Variants in CACNA2D3 observed in about 807,000 individuals in gnomAD.
CACNA2D3 encodes calcium voltage-gated channel auxiliary subunit alpha2delta 3.
CACNA2D3 carries 60 observed loss-of-function variants against 160.6 expected under a neutral mutation model. The ratio of observed to expected loss-of-function variants is 0.37; its 90% CI spans 0.30 to 0.46. The LOEUF (loss-of-function observed/expected upper bound fraction) is 0.46. Among genes scored for constraint, CACNA2D3 ranks in the 20% least tolerant of loss-of-function variants. The pLI is 1.00. For synonymous variants in CACNA2D3, 558 were observed against 492.9 expected, an observed-to-expected ratio of 1.13 and a Z score of -1.75; for missense variants, 1,205 against 1,365.0, an observed-to-expected ratio of 0.88 and a Z score of 1.85.
intron 5 of CACNA2D3, among the ~76,000 whole-genome samples, chr3:54,505,602 T>C (rs1701356503): frequency 1.3e-5 from 2 of 152,198 alleles, no homozygotes; most frequent in Non-Finnish European, 2.9e-5. Flanking sequence ...ACTGCCCCTT[T>C]TTGTGCGATG....
intron 4 of CACNA2D3, among the ~76,000 whole-genome samples, chr3:54,456,182 A>C (rs746447267): frequency 2.6e-5 from 4 of 152,020 alleles, no homozygotes; most frequent in Non-Finnish European, 5.9e-5. Flanking sequence ...TATATTCATG[A>C]GGCTGGGATG....
At chr3:54,251,911 G>A (rs1337528544) in intron 2 of CACNA2D3, among the ~76,000 whole-genome samples, 1 of 152,164 alleles carries the variant, frequency 6.6e-6, no homozygotes, top group Non-Finnish European at 1.5e-5. Context: ...GGGTTATAGC[G>A]AGGCCCTGGT....
chr3:54,177,880 G>C (rs1419619889), intron 2 of CACNA2D3: 1 of 152,136 alleles, frequency 6.6e-6, no homozygotes, highest in African/African-American at 2.4e-5. Flanking sequence ...CCAGCTCTGT[G>C]AAATCGGTAG....
intron 4 of CACNA2D3, among the ~76,000 whole-genome samples, chr3:54,473,978 AAGAC>A (rs1260428810): frequency 1.3e-5 from 2 of 152,232 alleles, no homozygotes; most frequent in African/African-American, 4.8e-5. Context: ...ACCATTGTGG[AAGAC>A]AGTGTGGTTA....
At chr3:54,899,982 A>T (rs769269450) in intron 27 of CACNA2D3, 114 bp downstream of exon 27, 4 of 714,908 alleles carry the variant, frequency 5.6e-6, no homozygotes, top group Non-Finnish European at 9.5e-6. Flanking sequence ...CAAAGGAGAA[A>T]ACAATTTTAA....
At chr3:54,944,812 GGGGT>G (rs1156694059) in intron 27 of CACNA2D3, among the ~76,000 whole-genome samples, 1 of 146,164 alleles carries the variant, frequency 6.8e-6, no homozygotes, top group South Asian at 2.1e-4. Flanking sequence ...GTTAGAGCTG[GGGGT>G]GTGTGTGTGT....
chr3:54,716,666 T>C (rs1428356853), intron 11 of CACNA2D3, among the ~76,000 whole-genome samples: 2 of 152,186 alleles, frequency 1.3e-5, no homozygotes, highest in Non-Finnish European at 2.9e-5. Context: ...TGTCGAGACA[T>C]GAGAAGTTCT....
chr3:54,442,797 A>G (rs376111552), intron 4 of CACNA2D3, among the ~76,000 whole-genome samples: 29 of 152,268 alleles, frequency 1.9e-4, no homozygotes, highest in African/African-American at 6.0e-4. Context: ...GGCCCTGCCT[A>G]TGTACAGCAC....
intron 35 of CACNA2D3, among the ~76,000 whole-genome samples, chr3:55,056,917 T>G (rs1224794467): frequency 6.6e-6 from 1 of 152,184 alleles, no homozygotes; most frequent in East Asian, 1.9e-4. Flanking sequence ...AATAGTGTAT[T>G]GTACATTTCA....
At position 54,774,588 on chromosome 3, in the gene CACNA2D3, C is replaced by T. The variant is rs572456618; in HGVS notation, c.1380+10237C>T. The stretch of plus-strand genomic sequence containing the variant: ...GTGGGGACATAGACCCAAACCATAT[C>T]AGGGGTTAATCCCAATATTATTTTG... On this transcript the variant is annotated intron_variant, in intron 13 of 37. Transcript: ENST00000474759. 2.0e-5 allele frequency among the ~76,000 whole-genome samples: 3 copies of T among 149,054 alleles called. No individual in the cohort carries two copies. The East Asian group carries it at 5.9e-4, about 29-fold the overall frequency.
intron 35 of CACNA2D3, among the ~76,000 whole-genome samples, chr3:55,066,783 T>G (rs2107227938): frequency 6.6e-6 from 1 of 152,282 alleles, no homozygotes; most frequent in Non-Finnish European, 1.5e-5. Flanking sequence ...TTTCACGCAT[T>G]TTGACCTATC....
intron 2 of CACNA2D3, among the ~76,000 whole-genome samples, chr3:54,189,365 G>A (rs766691974): frequency 3.2e-4 from 49 of 152,248 alleles, no homozygotes; most frequent in Non-Finnish European, 5.7e-4. Flanking sequence ...TAATTAAGGT[G>A]CATAACTCTC....
At chr3:54,896,019 G>T (rs534100361) in intron 25 of CACNA2D3, among the ~76,000 whole-genome samples, 3 of 152,352 alleles carry the variant, frequency 2.0e-5, no homozygotes, top group African/African-American at 4.8e-5. Flanking sequence ...TGGGGGCCCA[G>T]GGTGTGGCAA....
chr3:54,124,492 C>T (rs1253262323), intron 2 of CACNA2D3, among the ~76,000 whole-genome samples: 1 of 152,176 alleles, frequency 6.6e-6, no homozygotes, highest in African/African-American at 2.4e-5. Context: ...GAATAATTCT[C>T]TGAAAATGGG....
At position 54,348,551 on chromosome 3, in the gene CACNA2D3, C is replaced by T. The variant is rs143967065; in HGVS notation, c.321+27993C>T. 2.3e-3 allele frequency among the ~76,000 whole-genome samples: 346 copies of T among 152,308 alleles called. 1 individual carries two copies. The highest frequency in any genetic ancestry group is 7.9e-3 in the African/African-American group (330 of 41,568). ...TTTCTTTTTAAATGGAAATTCGAAG[C>T]ACACTATCAGGACTCTCTTGTTCGC... On this transcript the variant is annotated intron_variant, in intron 3 of 37. Coordinates refer to ENST00000474759, the MANE Select transcript of CACNA2D3 (RefSeq NM_018398.3).
At chr3:54,913,573 C>T (rs1354879364) in intron 27 of CACNA2D3, among the ~76,000 whole-genome samples, 1 of 152,180 alleles carries the variant, frequency 6.6e-6, no homozygotes, top group East Asian at 1.9e-4. Context: ...GTTCTTATTT[C>T]CCCATTTTGC....
intron 3 of CACNA2D3, among the ~76,000 whole-genome samples, chr3:54,331,986 A>G (rs969968134): frequency 1.3e-5 from 2 of 152,240 alleles, no homozygotes; most frequent in African/African-American, 4.8e-5. Context: ...GGACTGAGAC[A>G]GTATTGGTCA....
At chr3:54,648,669 A>G (rs1001030951) in intron 11 of CACNA2D3, among the ~76,000 whole-genome samples, 1 of 152,224 alleles carries the variant, frequency 6.6e-6, no homozygotes, top group Non-Finnish European at 1.5e-5. Flanking sequence ...TGGGTAATTT[A>G]TAAAGAAAAG....
intron 2 of CACNA2D3, among the ~76,000 whole-genome samples, chr3:54,213,031 G>C (rs1300898493): frequency 6.6e-6 from 1 of 152,050 alleles, no homozygotes; most frequent in African/African-American, 2.4e-5. Flanking sequence ...CATCAGGTGG[G>C]CTTCTGAGCT....
Sources: allele counts gnomAD v4.1 joint callset (sites outside exome capture counted in the v4.1 genomes callset), GRCh38; gene constraint gnomAD v4.1.1; transcripts MANE v1.5; gene names NCBI Gene and HGNC (gene_info 2026-07-23, HGNC 2026-07-21).